RHEX: variants seen among roughly 807,000 people sequenced by gnomAD.
RHEX encodes the protein regulator of hemoglobinization and erythroid cell expansion protein.
A neutral mutation model predicts 20.1 loss-of-function variants in RHEX; 18 were observed. That is an observed-to-expected ratio of 0.90 (90% CI 0.62 to 1.33). RHEX has a LOEUF of 1.33. Ranked by LOEUF, RHEX falls within the 40% of genes most tolerant of loss-of-function variation. RHEX has a pLI of 0.00. For synonymous variants in RHEX, 87 were observed against 77.1 expected, an observed-to-expected ratio of 1.13 and a Z score of -0.67; for missense variants, 192 against 214.3, an observed-to-expected ratio of 0.90 and a Z score of 0.65.
At chr1:206,054,097 T>TAA (rs72482039) in intron 1 of RHEX, among the ~76,000 whole-genome samples, 3 of 132,448 alleles carry the variant, frequency 2.3e-5, no homozygotes, top group African/African-American at 8.9e-5. Context: ...AAGTTTGCTT[T>TAA]AAAAAAAAAA....
intron 5 of RHEX, 150 bp from the exon 6 acceptor site, chr1:206,101,602 C>G: frequency 3.1e-6 from 2 of 646,684 alleles, no homozygotes; most frequent in South Asian, 1.9e-5. Flanking sequence ...CCTCATTGCC[C>G]TGGACTGCTC....
chr1:206,082,370 T>C (rs1553286008), intron 1 of RHEX, among the ~76,000 whole-genome samples: 2 of 151,798 alleles, frequency 1.3e-5, no homozygotes, highest in Non-Finnish European at 1.5e-5. Context: ...ATACAAAAAT[T>C]AGCCAGGTGT....
intron 1 of RHEX, among the ~76,000 whole-genome samples, chr1:206,069,582 G>A (rs781826098): frequency 1.3e-5 from 2 of 152,180 alleles, no homozygotes; most frequent in Non-Finnish European, 1.5e-5. Context: ...AAAGTTTCAG[G>A]TTCCAGGAAA....
chr1:206,089,982 C>A (rs1297421887), intron 1 of RHEX, among the ~76,000 whole-genome samples: 1 of 151,932 alleles, frequency 6.6e-6, no homozygotes, highest in East Asian at 1.9e-4. Flanking sequence ...ATTTTGCTAT[C>A]TAGGGTCTGG....
At chr1:206,097,174 G>A (rs1490551143) in intron 1 of RHEX, among the ~76,000 whole-genome samples, 2 of 152,170 alleles carry the variant, frequency 1.3e-5, no homozygotes, top group African/African-American at 4.8e-5. Flanking sequence ...GGAGGTGAGA[G>A]ACAGGTAATT....
chr1:206,072,829 C>CTTTTTTTTTT (rs71152466), intron 1 of RHEX, among the ~76,000 whole-genome samples: 1 of 121,650 alleles, frequency 8.2e-6, no homozygotes, highest in Non-Finnish European at 1.7e-5. Context: ...CCTCCTGTGT[C>CTTTTTTTTTT]TTTTTTTTTT....
At chr1:206,056,029 C>T (rs1161586696) in intron 1 of RHEX, among the ~76,000 whole-genome samples, 3 of 152,270 alleles carry the variant, frequency 2.0e-5, no homozygotes, top group Non-Finnish European at 2.9e-5. Context: ...ACACCATTAG[C>T]TAATGAATGC....
chr1:206,058,412 A>C lies in RHEX; in HGVS notation c.-97+5147A>C, dbSNP rs545164168. ...AGAACTCCCACTGATAAAAAGTGAG[A>C]GTCTCAAAGAGGGGAAATGAGGGAA... On this transcript the variant is annotated intron_variant, in intron 1 of 5. Transcript: ENST00000331555. Among the ~76,000 whole-genome samples the C allele has an allele frequency of 1.2e-4, 19 of 152,382 alleles. No homozygotes were observed. The South Asian group carries it at 3.9e-3, about 32-fold the overall frequency.
chr1:206,058,545 C>T (rs1058760), intron 1 of RHEX, among the ~76,000 whole-genome samples: 3 of 152,254 alleles, frequency 2.0e-5, no homozygotes, highest in Non-Finnish European at 4.4e-5. Context: ...GCGCCAGGCC[C>T]AAAACCAGGC....
At chr1:206,096,240 T>TA (rs1243968534) in intron 1 of RHEX, among the ~76,000 whole-genome samples, 8 of 152,190 alleles carry the variant, frequency 5.3e-5, no homozygotes, top group Non-Finnish European at 1.0e-4. Context: ...AGAGGAGCCT[T>TA]AAAAAATAAA....
chr1:206,091,153 G>A lies in RHEX; in HGVS notation c.-96-6580G>A, dbSNP rs1026009063. ...TTTCTGTGTCTTAGTTTTGTCCTCT[G>A]TTAATTAAAAAATAATAATAGTATC... On this transcript the variant is annotated intron_variant, in intron 1 of 5. Transcript: ENST00000331555. Among the ~76,000 whole-genome samples, 4 of 152,122 alleles carry A rather than the reference G, an allele frequency of 2.6e-5. No homozygotes were observed. The East Asian group carries it at 5.8e-4, about 22-fold the overall frequency.
intron 1 of RHEX, among the ~76,000 whole-genome samples, chr1:206,071,668 G>A (rs1328483340): frequency 6.6e-5 from 10 of 151,272 alleles, no homozygotes; most frequent in South Asian, 2.1e-4. Context: ...GCAACATGGC[G>A]AGACCACATC....
intron 1 of RHEX, among the ~76,000 whole-genome samples, chr1:206,063,222 G>A (rs1391669625): frequency 1.3e-5 from 2 of 152,194 alleles, no homozygotes; most frequent in Non-Finnish European, 2.9e-5. Context: ...AAAGAAAAGC[G>A]AGGAGATGAA....
Position 206,067,672 on chromosome 1 carries a change from A to G in RHEX, c.-97+14407A>G, listed in dbSNP as rs549714884. Among the ~76,000 whole-genome samples the G allele has an allele frequency of 2.6e-5, 4 of 152,246 alleles. No homozygotes were observed. The South Asian group carries it at 6.2e-4, about 24-fold the overall frequency. The stretch of plus-strand genomic sequence containing the variant: ...CCTGTTCCCAAATACCTCACTCCAC[A>G]CATAGCCCCAACAGCACAACCTCAT... On this transcript the variant is annotated intron_variant, in intron 1 of 5. Coordinates refer to ENST00000331555, the MANE Select transcript of RHEX (RefSeq NM_001007544.4). This position sits in a 1 kb window ranked among gnomAD's most constrained non-coding sequence, Gnocchi z 4.6.
chr1:206,097,722 A>G lies in RHEX; in HGVS notation c.-96-11A>G. 6.3e-7 allele frequency: 1 copy of G among 1,598,326 alleles called. No homozygotes were observed. Among genetic ancestry groups the G allele is most frequent in the Non-Finnish European group, 8.6e-7 (1 of 1,166,604 alleles). ...GCCCTGGAGTCCTGACCAGCTCCTTACCTCTTGCAGATCTCCAGCACCCTG... is the reference window on the plus strand; with the variant it reads ...GCCCTGGAGTCCTGACCAGCTCCTTGCCTCTTGCAGATCTCCAGCACCCTG... On this transcript the variant is annotated splice_polypyrimidine_tract_variant and intron_variant, in intron 1 of 5. Transcript: ENST00000331555.
chr1:206,060,832 G>C (rs983639186), intron 1 of RHEX: 1 of 152,280 alleles, frequency 6.6e-6, no homozygotes, highest in Non-Finnish European at 1.5e-5. Flanking sequence ...GGAGGCAAGA[G>C]AGTGAGTTGA....
chr1:206,073,638 G>A (rs1048917025), intron 1 of RHEX, among the ~76,000 whole-genome samples: 15 of 152,010 alleles, frequency 9.9e-5, no homozygotes, highest in African/African-American at 3.6e-4. Context: ...CATCTGAAAC[G>A]AAAGTATCCC....
intron 1 of RHEX, among the ~76,000 whole-genome samples, chr1:206,084,585 C>T (rs1662800986): frequency 6.6e-6 from 1 of 152,122 alleles, no homozygotes; most frequent in Non-Finnish European, 1.5e-5. Context: ...CAATGCGGTG[C>T]TGGGAAGCAT....
chr1:206,061,396 C>A (rs183071898), intron 1 of RHEX: 2 of 152,196 alleles, frequency 1.3e-5, no homozygotes, highest in Non-Finnish European at 2.9e-5. Flanking sequence ...CACAAGTCCT[C>A]GGTAAGGAAC....
Sources: gnomAD v4.1 joint callset for allele counts (sites outside exome capture counted in the v4.1 genomes callset) on GRCh38, gnomAD v4.1.1 for gene constraint, Gnocchi (gnomAD v3.1) non-coding constraint, MANE v1.5 for transcripts, NCBI Gene and HGNC (gene_info 2026-07-23, HGNC 2026-07-21) for gene names.